ARHGAP22: variants seen among roughly 807,000 people sequenced by gnomAD.
ARHGAP22 encodes rho GTPase-activating protein 22.
A neutral mutation model predicts 59.1 loss-of-function variants in ARHGAP22; 48 were observed. The ratio of observed to expected loss-of-function variants is 0.81; its 90% CI spans 0.64 to 1.03. The LOEUF (loss-of-function observed/expected upper bound fraction) is 1.03. Among genes scored for constraint, ARHGAP22 ranks in the 50% least tolerant of loss-of-function variants. The pLI is 0.00. For missense variants in ARHGAP22, 1,015 were observed against 958.7 expected (o/e 1.06, Z -0.78); for synonymous variants, 445 against 416.4 (o/e 1.07, Z -0.84).
At chr10:48,589,971 C>T (rs1240185540) in intron 1 of ARHGAP22, among the ~76,000 whole-genome samples, 1 of 152,228 alleles carries the variant, frequency 6.6e-6, no homozygotes, top group Middle Eastern at 3.4e-3. Context: ...GTGTAGCTCC[C>T]TCCACACTGC....
intron 2 of ARHGAP22, among the ~76,000 whole-genome samples, chr10:48,574,164 A>AT (rs2058566479): frequency 6.6e-6 from 1 of 152,120 alleles, no homozygotes; most frequent in African/African-American, 2.4e-5. Flanking sequence ...GCAATAAATT[A>AT]TTTTTCCATT....
At chr10:48,548,810 G>C (rs534428643) in intron 3 of ARHGAP22, among the ~76,000 whole-genome samples, 2 of 152,216 alleles carry the variant, frequency 1.3e-5, no homozygotes, top group South Asian at 4.1e-4. Context: ...GTACCAGGTG[G>C]GCAGGACCTG....
intron 1 of ARHGAP22, among the ~76,000 whole-genome samples, chr10:48,651,934 G>A (rs376249118): frequency 2.0e-5 from 3 of 152,084 alleles, no homozygotes; most frequent in South Asian, 2.1e-4. Flanking sequence ...CTGCCCCAGC[G>A]GTCCTTGGAC....
chr10:48,561,986 G>T (rs1471238455), intron 2 of ARHGAP22, among the ~76,000 whole-genome samples: 1 of 152,172 alleles, frequency 6.6e-6, no homozygotes, highest in Non-Finnish European at 1.5e-5. Context: ...CAGCACTTTG[G>T]GGGGCCGAGG....
At chr10:48,572,344 A>AT (rs1378414551) in intron 2 of ARHGAP22, among the ~76,000 whole-genome samples, 1 of 152,164 alleles carries the variant, frequency 6.6e-6, no homozygotes, top group Non-Finnish European at 1.5e-5. Context: ...TGACTAACTG[A>AT]CCCCCAACCC....
chr10:48,550,299 C>T (rs2056800178), intron 3 of ARHGAP22, among the ~76,000 whole-genome samples: 2 of 152,234 alleles, frequency 1.3e-5, no homozygotes, highest in Admixed American at 1.3e-4. Context: ...GTCTGCCTTC[C>T]TGCCTGCTTC....
At chr10:48,601,299 C>A (rs2060365960) in intron 1 of ARHGAP22, among the ~76,000 whole-genome samples, 1 of 152,200 alleles carries the variant, frequency 6.6e-6, no homozygotes, top group Admixed American at 6.5e-5. Context: ...ATCCCCCAGT[C>A]TGAGCAGGTA....
chr10:48,626,719 A>T (rs894686443), intron 1 of ARHGAP22, among the ~76,000 whole-genome samples: 2 of 152,166 alleles, frequency 1.3e-5, no homozygotes, highest in African/African-American at 4.8e-5. Context: ...TGGGAACTAG[A>T]TATTTGATAT....
At chr10:48,592,220 T>A (rs2059802216) in intron 1 of ARHGAP22, among the ~76,000 whole-genome samples, 2 of 152,150 alleles carry the variant, frequency 1.3e-5, no homozygotes, top group South Asian at 4.1e-4. Flanking sequence ...GTCTCACCAC[T>A]ACATTGCCTA....
chr10:48,502,606 C>G (rs1175337168), intron 3 of ARHGAP22, among the ~76,000 whole-genome samples: 2 of 152,186 alleles, frequency 1.3e-5, no homozygotes, highest in Non-Finnish European at 2.9e-5. Flanking sequence ...CTTCATGCCT[C>G]CAGGTGTTTG....
chr10:48,551,710 T>C lies in ARHGAP22; in HGVS notation c.322+3753A>G, dbSNP rs137953175. On this transcript the variant is annotated intron_variant, in intron 3 of 9. Transcript: ENST00000249601. The stretch of plus-strand genomic sequence containing the variant: ...AGCCACAAGAGGACAGAAGTCCCAC[T>C]GGCACTAAAGCCCCCTTATAAGAGT... Among the ~76,000 whole-genome samples, 476 of 152,356 alleles carry C rather than the reference T, an allele frequency of 3.1e-3. 1 individual carries two copies. Among genetic ancestry groups the C allele is most frequent in the African/African-American group, 9.8e-3 (407 of 41,586 alleles).
chr10:48,641,220 A>G (rs2062031519), intron 1 of ARHGAP22, among the ~76,000 whole-genome samples: 2 of 152,312 alleles, frequency 1.3e-5, no homozygotes, highest in East Asian at 3.9e-4. Context: ...CAAATTATAA[A>G]ATGGCAAATG....
chr10:48,459,384 A>T (rs7478027), intron 5 of ARHGAP22, among the ~76,000 whole-genome samples: 138,001 of 152,274 alleles, frequency 0.91, 63,935 homozygotes, highest in East Asian at 1. Flanking sequence ...GCGCCTGGTC[A>T]GTCCTCACAT....
intron 3 of ARHGAP22, among the ~76,000 whole-genome samples, chr10:48,554,484 C>A (rs2057146875): frequency 6.6e-6 from 1 of 152,234 alleles, no homozygotes; most frequent in Non-Finnish European, 1.5e-5. Flanking sequence ...ATTCAGCTGA[C>A]ACTCTTGGTA....
intron 2 of ARHGAP22, among the ~76,000 whole-genome samples, chr10:48,557,959 A>G (rs1590170772): frequency 6.6e-6 from 1 of 152,234 alleles, no homozygotes; most frequent in East Asian, 1.9e-4. Flanking sequence ...TGAGACACTC[A>G]GGGTAGGTCT....
chr10:48,497,713 C>T (rs1296744223), intron 3 of ARHGAP22, among the ~76,000 whole-genome samples: 1 of 152,206 alleles, frequency 6.6e-6, no homozygotes, highest in Non-Finnish European at 1.5e-5. Context: ...GCCCTGTCTT[C>T]CAGGTCCCCC....
intron 1 of ARHGAP22, among the ~76,000 whole-genome samples, chr10:48,645,555 T>C (rs1231865422): frequency 2.0e-5 from 3 of 152,158 alleles, no homozygotes; most frequent in Non-Finnish European, 4.4e-5. Flanking sequence ...TATAATCATC[T>C]AATGGATGCA....
chr10:48,650,146 C>CTTTTT (rs11386532), intron 1 of ARHGAP22, among the ~76,000 whole-genome samples: 28 of 82,040 alleles, frequency 3.4e-4, no homozygotes, highest in East Asian at 1.5e-3. Context: ...GCTGGAGACT[C>CTTTTT]TTTTTTTTTT....
At chr10:48,556,038 A>G (rs1037498795) in intron 2 of ARHGAP22, among the ~76,000 whole-genome samples, 1 of 152,182 alleles carries the variant, frequency 6.6e-6, no homozygotes, top group African/African-American at 2.4e-5. Context: ...GTCAGTTACC[A>G]TGTACATGGT....
Sources: gnomAD v4.1 joint callset for allele counts (sites outside exome capture counted in the v4.1 genomes callset) on GRCh38, gnomAD v4.1.1 for gene constraint, MANE v1.5 for transcripts, NCBI Gene and HGNC (gene_info 2026-07-23, HGNC 2026-07-21) for gene names.